MAGEA6: variants seen among roughly 807,000 people sequenced by gnomAD.
MAGEA6 encodes MAGE family member A6, also known as melanoma-associated antigen 6.
For synonymous variants in MAGEA6, 100 were observed against 98.8 expected (o/e 1.01, Z -0.07); for missense variants, 281 against 231.4 (o/e 1.21, Z -1.39).
rs1221344440 is a variant in MAGEA6, at chrX:152,767,242, C to A, written c.409G>T (p.Gly137Trp). The change falls in exon 3 of 3, where the codon GGG (glycine) becomes TGG (tryptophan). Residue 137 changes from glycine (G) to tryptophan (W), a missense_variant. By Grantham distance (184) the Gly-to-Trp change is radical. Transcript: ENST00000329342. The part of the protein sequence containing the change: ...REPVTKAEML[G>W]SVVGNWQYFF... ...TACTGCCAATTTCCGACGACACTCC[C>A]CAGCATTTCTGCCTTTGTGACCGGC... The A allele has an allele frequency of 8.3e-7, 1 of 1,208,634 alleles. No homozygotes were observed. The highest frequency in any genetic ancestry group is 1.1e-6 in the Non-Finnish European group (1 of 894,355).
In MAGEA6 at chrX:152,767,225, A is replaced by G. The variant is rs1932753007; in HGVS notation, c.426T>C (p.Asn142=). ...AGATCACAGGAAAGAAGTACTGCCA[A>G]TTTCCGACGACACTCCCCAGCATTT... The part of the protein sequence containing the change: ...KAEMLGSVVG[N]WQYFFPVIFS... Residue 142 remains asparagine (N), a synonymous_variant, in exon 3 of 3, where the codon AAT becomes AAC. Coordinates refer to ENST00000329342, the MANE Select transcript of MAGEA6 (RefSeq NM_005363.5). 6 of 1,210,133 alleles carry G rather than the reference A, an allele frequency of 5.0e-6. No individual in the cohort carries two copies. The highest frequency in any genetic ancestry group is 6.7e-6 in the Non-Finnish European group (6 of 894,556).
chrX:152,767,397 T>A lies in MAGEA6; in HGVS notation c.254A>T (p.Glu85Val). ...MNYPLWSQSY[E>V]DSSNQEEEGP... ...CTCCTCTTCTTGGTTGCTGGAGTCC[T>A]CATAGGATTGGCTCCAGAGAGGGTA... The change falls in exon 3 of 3, where the codon GAG becomes GTG. Residue 85 changes from glutamate to valine, a missense_variant. Transcript: ENST00000329342. 1 of 1,206,031 alleles carries A rather than the reference T, an allele frequency of 8.3e-7. No homozygotes were observed. The highest frequency in any genetic ancestry group is 1.1e-6 in the Non-Finnish European group (1 of 893,145).
Position 152,766,779 on chromosome X carries a change from A to C in MAGEA6, c.872T>G (p.Val291Gly). The change falls in exon 3 of 3, where the codon GTA becomes GGA. Residue 291 changes from valine to glycine, a missense_variant. By Grantham distance (109) the Val-to-Gly change is moderately radical. Coordinates refer to ENST00000329342, the MANE Select transcript of MAGEA6 (RefSeq NM_005363.5). ...AATGCGAGGTCCTCCACTGATCTTT[A>C]CCATATGGTGCAGGACTTTCACATA... Reference protein sequence around the residue: ...TSYVKVLHHMVKISGGPRISY... With the variant: ...TSYVKVLHHMGKISGGPRISY... 1 of 1,210,579 alleles carries C rather than the reference A, an allele frequency of 8.3e-7. No individual in the cohort carries two copies. Among genetic ancestry groups the C allele is most frequent in the Non-Finnish European group, 1.1e-6 (1 of 894,711 alleles).
Position 152,767,351 on chromosome X carries a change from G to A in MAGEA6, c.300C>T (p.Asp100=), listed in dbSNP as rs1556826206. 8.3e-6 allele frequency: 10 copies of A among 1,206,678 alleles called. No homozygotes were observed. The highest frequency in any genetic ancestry group is 1.0e-5 in the Non-Finnish European group (9 of 893,614). ...GTGCTGCTTGGAACTCAGACTCCAG[G>A]TCAGGGAAGGTGCTTGGCCCCTCCT... is the stretch of plus-strand genomic sequence containing the variant. ...QEEEGPSTFP[D]LESEFQAALS... Residue 100 remains aspartate (D), a synonymous_variant, in exon 3 of 3, where the codon GAC becomes GAT. Transcript: ENST00000329342.
At position 152,767,038 on chromosome X, in the gene MAGEA6, T is replaced by G. The variant is rs34115651; in HGVS notation, c.613A>C (p.Ile205Leu). The change falls in exon 3 of 3, where the codon ATC becomes CTC. Residue 205 changes from isoleucine (I) to leucine (L), a missense_variant. Coordinates refer to ENST00000329342, the MANE Select transcript of MAGEA6 (RefSeq NM_005363.5). The stretch of plus-strand genomic sequence containing the variant: ...CCCTCTTTTGCGATTATGGCCAGGA[T>G]GATTATCAGGAAGCCTGTCTTGGGC... ...IMPKTGFLIIILAIIAKEGDC... is the reference protein window; with the variant it reads ...IMPKTGFLIILLAIIAKEGDC... 6 of 1,208,869 alleles carry G rather than the reference T, an allele frequency of 5.0e-6. No homozygotes were observed. Among genetic ancestry groups the G allele is most frequent in the East Asian group, 3.0e-5 (1 of 33,696 alleles).
At position 152,767,135 on chromosome X, in the gene MAGEA6, G is replaced by A. The variant is rs367938054; in HGVS notation, c.516C>T (p.Ile172=). The change falls in exon 3 of 3, where the codon ATC becomes ATT. Residue 172 remains isoleucine, a synonymous_variant. Transcript: ENST00000329342. ...FGIELMEVDP[I]GHVYIFATCL... is the part of the protein sequence containing the mutation. ...AGGTGGCAAAGATGTACACGTGGCC[G>A]ATGGGGTCCACTTCCATCAGCTCGA... 699 of 1,209,204 alleles carry A rather than the reference G, an allele frequency of 5.8e-4. 2 individuals are homozygous for A. In the African/African-American group the frequency reaches 0.011, roughly 19 times the overall value.
chrX:152,766,561 T>C lies in MAGEA6; in HGVS notation c.*145A>G. 3.6e-6 allele frequency: 2 copies of C among 562,260 alleles called. No individual in the cohort carries two copies. Among genetic ancestry groups the C allele is most frequent in the Non-Finnish European group, 5.9e-6 (2 of 341,446 alleles). The allele number at this position is 562,260 out of a possible 1,213,427, so 46.3% of individuals were successfully genotyped here. A position where few individuals can be genotyped will look rare whatever the true frequency, so the allele number is the denominator to read the frequency against. ...GTCATCCAACAGAACAGAAACCCAC[T>C]ACTAAGAATGCTGACTGCTCGCTTC... On this transcript the variant is annotated 3_prime_UTR_variant, in exon 3 of 3. Coordinates refer to ENST00000329342, the MANE Select transcript of MAGEA6 (RefSeq NM_005363.5).
At position 152,766,854 on chromosome X, in the gene MAGEA6, G is replaced by A. The variant is rs141271077; in HGVS notation, c.797C>T (p.Pro266Leu). ...ACCCCACAGGAACTCATAGCATGCA[G>A]GATCACTGCCGGGGACCTGCCGGTA... ...LEYRQVPGSDPACYEFLWGPR... is the reference protein window; with the variant it reads ...LEYRQVPGSDLACYEFLWGPR... The change falls in exon 3 of 3, where the codon CCT (proline) becomes CTT (leucine). Residue 266 changes from proline to leucine, a missense_variant. Pro to Leu is a moderately conservative substitution (Grantham distance 98, BLOSUM62 -3). Transcript: ENST00000329342. 2.5e-6 allele frequency: 3 copies of A among 1,209,287 alleles called. No homozygotes were observed. Among genetic ancestry groups the A allele is most frequent in the Admixed American group, 2.2e-5 (1 of 45,814 alleles).
In MAGEA6 at chrX:152,767,018, T is replaced by C; in HGVS notation, c.633A>G (p.Lys211=). ...FLIIILAIIA[K]EGDCAPEEKI... ...TCTCCTCAGGGGCACAGTCGCCCTC[T>C]TTTGCGATTATGGCCAGGATGATTA... is the stretch of plus-strand genomic sequence containing the variant. Residue 211 remains lysine, a synonymous_variant, in exon 3 of 3, where the codon AAA becomes AAG. Transcript: ENST00000329342. The C allele has an allele frequency of 2.2e-5, 27 of 1,210,729 alleles. No individual in the cohort carries two copies. Among genetic ancestry groups the C allele is most frequent in the Non-Finnish European group, 3.0e-5 (27 of 894,738 alleles).
Position 152,766,588 on chromosome X carries a change from A to G in MAGEA6, c.*118T>C, listed in dbSNP as rs1443609301. On this transcript the variant is annotated 3_prime_UTR_variant, in exon 3 of 3. Transcript: ENST00000329342. ...CTAAGAATGCTGACTGCTCGCTTCA[A>G]AGAGTGAAGAATGGGCCTCACGTCA... 12 of 706,550 alleles carry G rather than the reference A, an allele frequency of 1.7e-5. No homozygotes were observed. The African/African-American group carries it at 2.2e-4, about 13-fold the overall frequency. The allele number at this position is 706,550 out of a possible 1,213,427, so 58.2% of individuals were successfully genotyped here.
chrX:152,767,128 C>T lies in MAGEA6; in HGVS notation c.523G>A (p.Val175Met), dbSNP rs35845634. The stretch of plus-strand genomic sequence containing the variant: ...CCCAGGCAGGTGGCAAAGATGTACA[C>T]GTGGCCGATGGGGTCCACTTCCATC... Reference protein sequence around the residue: ...ELMEVDPIGHVYIFATCLGLS... With the variant: ...ELMEVDPIGHMYIFATCLGLS... Residue 175 changes from valine (V) to methionine (M), a missense_variant, in exon 3 of 3, where the codon GTG becomes ATG. Physicochemically the swap from Val to Met is conservative, Grantham distance 21 (BLOSUM62 1). Transcript: ENST00000329342. 45 of 1,209,021 alleles carry T rather than the reference C, an allele frequency of 3.7e-5. 1 individual carries two copies. Among genetic ancestry groups the T allele is most frequent in the Non-Finnish European group, 4.7e-5 (42 of 894,441 alleles).
Position 152,767,195 on chromosome X carries a change from G to C in MAGEA6, c.456C>G (p.Ser152Arg). 2.5e-6 allele frequency: 3 copies of C among 1,210,667 alleles called. No homozygotes were observed. Among genetic ancestry groups the C allele is most frequent in the Non-Finnish European group, 3.4e-6 (3 of 894,723 alleles). ...CCAGCTGCAAGGAATCGGAAGCTTT[G>C]CTGAAGATCACAGGAAAGAAGTACT... ...NWQYFFPVIF[S>R]KASDSLQLVF... Residue 152 changes from serine to arginine, a missense_variant, in exon 3 of 3, where the codon AGC (serine) becomes AGG (arginine). Coordinates refer to ENST00000329342, the MANE Select transcript of MAGEA6 (RefSeq NM_005363.5).
rs1331878324 is a variant in MAGEA6 at position 152,767,371 on chromosome X, C to T, written c.280G>A (p.Gly94Arg). ...YEDSSNQEEEGPSTFPDLESE... is the reference protein window; with the variant it reads ...YEDSSNQEEERPSTFPDLESE... Reference sequence around the variant, plus strand: ...TCCAGGTCAGGGAAGGTGCTTGGCCCCTCCTCTTCTTGGTTGCTGGAGTCC... The same window carrying T: ...TCCAGGTCAGGGAAGGTGCTTGGCCTCTCCTCTTCTTGGTTGCTGGAGTCC... Residue 94 changes from glycine (G) to arginine (R), a missense_variant, in exon 3 of 3, where the codon GGG becomes AGG. Transcript: ENST00000329342. The T allele has an allele frequency of 3.3e-6, 4 of 1,205,019 alleles. No homozygotes were observed. The African/African-American group carries it at 5.4e-5, about 16-fold the overall frequency.
Position 152,767,544 on chromosome X carries a change from T to C in MAGEA6, c.107A>G (p.Gln36Arg), listed in dbSNP as rs2124944258. The C allele has an allele frequency of 1.1e-5, 10 of 942,649 alleles. No homozygotes were observed. The highest frequency in any genetic ancestry group is 4.9e-5 in the South Asian group (2 of 40,765). 77.7% of individuals were successfully genotyped at this position (942,649 alleles called of 1,213,427 possible). A position where few individuals can be genotyped will look rare whatever the true frequency, so the allele number is the denominator to read the frequency against. ...VGAQAPATEE[Q>R]EAASSSSTLV... ...AGTAGAAGAGGAGGAGGCAGCCTCCTGCTCCTCAGTAGCAGGAGCCTGCGC... is the reference window on the plus strand; with the variant it reads ...AGTAGAAGAGGAGGAGGCAGCCTCCCGCTCCTCAGTAGCAGGAGCCTGCGC... The change falls in exon 3 of 3, where the codon CAG becomes CGG. Residue 36 changes from glutamine (Q) to arginine (R), a missense_variant. Transcript: ENST00000329342.
Position 152,766,487 on chromosome X carries a change from A to C in MAGEA6, c.*219T>G. 2.3e-6 allele frequency: 1 copy of C among 442,393 alleles called. No individual in the cohort carries two copies. Among genetic ancestry groups the C allele is most frequent in the Non-Finnish European group, 4.0e-6 (1 of 250,194 alleles). The allele number at this position is 442,393 out of a possible 1,213,427, so 36.5% of individuals were successfully genotyped here. A position where few individuals can be genotyped will look rare whatever the true frequency, so the allele number is the denominator to read the frequency against. ...GCTGACGCTCATTCAACCATCCGTT[A>C]AAAGGAACATTTGAACAACTCCAAC... On this transcript the variant is annotated 3_prime_UTR_variant, in exon 3 of 3. Transcript: ENST00000329342.
intron 1 of MAGEA6, among the ~76,000 whole-genome samples, chrX:152,768,473 TA>T (rs1932767865): frequency 1.4e-5 from 1 of 73,810 alleles, no homozygotes. Flanking sequence ...CCTCCACTCC[TA>T]GTAGGGTCTG....
chrX:152,767,041 T>C lies in MAGEA6; in HGVS notation c.610A>G (p.Ile204Val), dbSNP rs1283789705. ...TCTTTTGCGATTATGGCCAGGATGA[T>C]TATCAGGAAGCCTGTCTTGGGCATG... is the stretch of plus-strand genomic sequence containing the variant. ...QIMPKTGFLI[I>V]ILAIIAKEGD... The change falls in exon 3 of 3, where the codon ATC becomes GTC. Residue 204 changes from isoleucine to valine, a missense_variant. Coordinates refer to ENST00000329342, the MANE Select transcript of MAGEA6 (RefSeq NM_005363.5). The C allele has an allele frequency of 8.3e-7, 1 of 1,210,549 alleles. No homozygotes were observed. The highest frequency in any genetic ancestry group is 3.0e-5 in the East Asian group (1 of 33,776).
chrX:152,768,280 C>T (rs1932766089), intron 1 of MAGEA6, among the ~76,000 whole-genome samples: 1 of 78,423 alleles, frequency 1.3e-5, no homozygotes, highest in Non-Finnish European at 2.8e-5. Context: ...GGACCTAATC[C>T]CTCCCTTCTG....
rs1556826438 is a variant in MAGEA6, at chrX:152,767,184, T to G, written c.467A>C (p.Asp156Ala). ...FFPVIFSKAS[D>A]SLQLVFGIEL... The stretch of plus-strand genomic sequence containing the variant: ...GATGCCAAAGACCAGCTGCAAGGAA[T>G]CGGAAGCTTTGCTGAAGATCACAGG... Residue 156 changes from aspartate to alanine, a missense_variant, in exon 3 of 3, where the codon GAT (aspartate) becomes GCT (alanine). Transcript: ENST00000329342. 5 of 1,210,443 alleles carry G rather than the reference T, an allele frequency of 4.1e-6. No individual in the cohort carries two copies. The highest frequency in any genetic ancestry group is 5.6e-6 in the Non-Finnish European group (5 of 894,632).
Sources: allele counts gnomAD v4.1 joint callset (sites outside exome capture counted in the v4.1 genomes callset), GRCh38; gene constraint gnomAD v4.1.1; transcripts MANE v1.5; gene names NCBI Gene and HGNC (gene_info 2026-07-23, HGNC 2026-07-21).